Variants in HDAC4 observed in about 807,000 individuals in gnomAD.
The protein encoded by HDAC4 is histone deacetylase A.
Under a neutral mutation model 135.1 loss-of-function variants are expected in HDAC4, and 16 were observed. The ratio of observed to expected loss-of-function variants is 0.12; its 90% CI spans 0.08 to 0.18. HDAC4 has a LOEUF of 0.18. Among genes scored for constraint, HDAC4 ranks in the 10% least tolerant of loss-of-function variants. HDAC4 has a pLI of 1.00. For synonymous variants in HDAC4, 685 were observed against 653.4 expected, an observed-to-expected ratio of 1.05 and a Z score of -0.74; for missense variants, 1,143 against 1,511.8, an observed-to-expected ratio of 0.76 and a Z score of 4.05.
At chr2:239,374,504 C>T (rs973966135) in intron 1 of HDAC4, among the ~76,000 whole-genome samples, 12 of 141,704 alleles carry the variant, frequency 8.5e-5, no homozygotes, top group South Asian at 2.4e-4. Flanking sequence ...CCCGGGTTCA[C>T]GCCATTCTCC....
At chr2:239,067,576 G>A (rs963790492) in intron 23 of HDAC4, among the ~76,000 whole-genome samples, 2 of 152,218 alleles carry the variant, frequency 1.3e-5, no homozygotes, top group African/African-American at 2.4e-5. Context: ...TGGTGGCCGC[G>A]GTGCTCCGGG....
chr2:239,090,264 G>C (rs2036385150), intron 17 of HDAC4, 148 bp from the exon 18 acceptor site: 1 of 688,386 alleles, frequency 1.5e-6, no homozygotes, highest in Admixed American at 2.2e-5. Context: ...CCCACGTTCA[G>C]CCTTCAATCT....
intron 6 of HDAC4, among the ~76,000 whole-genome samples, 198 bp downstream of exon 6, chr2:239,163,605 C>T (rs527833224): frequency 2.0e-5 from 3 of 152,082 alleles, no homozygotes; most frequent in Non-Finnish European, 2.9e-5. Flanking sequence ...TGGGCCCCTC[C>T]GTGAGGACGG....
rs550143539 is a variant in HDAC4, at chr2:239,331,874, C to T, written c.22+20804G>A. On this transcript the variant is annotated intron_variant, in intron 2 of 26. Transcript: ENST00000543185. The surrounding 1 kb of genome is among the most constrained non-coding windows in gnomAD (Gnocchi z 4.5). The stretch of plus-strand genomic sequence containing the variant: ...ACCGGACGGCTCGGACCCTGGGAAA[C>T]GAACGCCAGACTGAGCGTGGGGGTG... Among the ~76,000 whole-genome samples the T allele has an allele frequency of 7.2e-5, 11 of 152,212 alleles. No homozygotes were observed. Among genetic ancestry groups the T allele is most frequent in the South Asian group, 4.2e-4 (2 of 4,818 alleles).
rs546478384 is a variant in HDAC4 at position 239,180,155 on chromosome 2, C to G, written c.340-3592G>C. 2.9e-4 allele frequency among the ~76,000 whole-genome samples: 44 copies of G among 152,320 alleles called. 1 individual carries two copies. In the Middle Eastern group the frequency reaches 0.014, roughly 47 times the overall value. ...GCTTCACACCCTTGCTGCCCCTGCA[C>G]AGCCAGCTTCCAGGTGGCCACCACA... is the stretch of plus-strand genomic sequence containing the variant. On this transcript the variant is annotated intron_variant, in intron 4 of 26. Transcript: ENST00000543185.
intron 5 of HDAC4, among the ~76,000 whole-genome samples, chr2:239,175,814 C>G (rs1177523511): frequency 6.6e-6 from 1 of 152,206 alleles, no homozygotes; most frequent in Admixed American, 6.5e-5. Context: ...TATTAGGAAT[C>G]CTGCCAAATA....
intron 2 of HDAC4, among the ~76,000 whole-genome samples, chr2:239,251,766 T>C (rs2048797574): frequency 6.6e-6 from 1 of 151,988 alleles, no homozygotes; most frequent in Non-Finnish European, 1.5e-5. Context: ...ATCACATCAT[T>C]ATTATTTAAT....
chr2:239,255,080 T>C (rs1345382247), intron 2 of HDAC4, among the ~76,000 whole-genome samples: 2 of 152,188 alleles, frequency 1.3e-5, no homozygotes, highest in Non-Finnish European at 2.9e-5. Flanking sequence ...TAAACAAAAC[T>C]TGAGTACTTA....
chr2:239,074,043 C>A (rs1282953238), intron 22 of HDAC4, among the ~76,000 whole-genome samples: 1 of 140,484 alleles, frequency 7.1e-6, no homozygotes, highest in African/African-American at 2.7e-5. Flanking sequence ...CTGAGGGGGG[C>A]AGCAGGACTG....
chr2:239,381,206 G>A (rs776986096), intron 1 of HDAC4, among the ~76,000 whole-genome samples: 1 of 152,230 alleles, frequency 6.6e-6, no homozygotes, highest in Non-Finnish European at 1.5e-5. Flanking sequence ...AGTGAGCTGA[G>A]CTGCAGTGAA....
At chr2:239,368,095 A>G (rs1694345977) in intron 1 of HDAC4, among the ~76,000 whole-genome samples, 1 of 152,176 alleles carries the variant, frequency 6.6e-6, no homozygotes, top group South Asian at 2.1e-4. Flanking sequence ...GAGCCTGAAC[A>G]CTTCTGGTCC....
intron 2 of HDAC4, among the ~76,000 whole-genome samples, chr2:239,290,724 T>G (rs2051431955): frequency 6.6e-6 from 1 of 151,648 alleles, no homozygotes; most frequent in Non-Finnish European, 1.5e-5. Flanking sequence ...ACATACGCAC[T>G]CACGTACGCA....
intron 19 of HDAC4, among the ~76,000 whole-genome samples, chr2:239,085,041 G>GACAGACACAC (rs1553609590): frequency 4.9e-4 from 68 of 138,890 alleles, no homozygotes; most frequent in Middle Eastern, 3.7e-3. Flanking sequence ...GAGACAGACA[G>GACAGACACAC]ACACACACAC....
chr2:239,061,466 GGTGT>G (rs2032722157), intron 24 of HDAC4, among the ~76,000 whole-genome samples: 1 of 151,804 alleles, frequency 6.6e-6, no homozygotes, highest in Non-Finnish European at 1.5e-5. Flanking sequence ...GCGTATGTGT[GGTGT>G]GTGCGTGCAT....
At chr2:239,236,961 A>G (rs1004893820) in intron 2 of HDAC4, among the ~76,000 whole-genome samples, 9 of 152,220 alleles carry the variant, frequency 5.9e-5, no homozygotes, top group Non-Finnish European at 1.2e-4. Flanking sequence ...CGTGCTGATC[A>G]GAAGTCGGCT....
chr2:239,144,759 G>A (rs773305445), intron 7 of HDAC4, 45 bp from the exon 8 acceptor site: 24 of 1,606,150 alleles, frequency 1.5e-5, no homozygotes, highest in Non-Finnish European at 2.0e-5. Context: ...GACACCACTG[G>A]CTCAAGGTTA....
chr2:239,179,957 T>C (rs2153011356), intron 4 of HDAC4, among the ~76,000 whole-genome samples: 1 of 152,274 alleles, frequency 6.6e-6, no homozygotes, highest in African/African-American at 2.4e-5. Flanking sequence ...GCGCGTGGGA[T>C]TGAGCATGTG....
chr2:239,395,531 G>A (rs1248868461), intron 1 of HDAC4, among the ~76,000 whole-genome samples: 1 of 152,190 alleles, frequency 6.6e-6, no homozygotes, highest in Admixed American at 6.5e-5. Context: ...ATATCTAAAT[G>A]TTTTCAAATT....
intron 7 of HDAC4, among the ~76,000 whole-genome samples, chr2:239,145,294 G>C (rs141576052): frequency 5.9e-5 from 9 of 152,144 alleles, no homozygotes; most frequent in African/African-American, 2.2e-4. Flanking sequence ...TCCCCACCCC[G>C]ACCTGGGGAG....
Sources: allele counts gnomAD v4.1 joint callset (sites outside exome capture counted in the v4.1 genomes callset), GRCh38; gene constraint gnomAD v4.1.1; non-coding constraint Gnocchi (gnomAD v3.1); transcripts MANE v1.5; gene names NCBI Gene and HGNC (gene_info 2026-07-23, HGNC 2026-07-21).